Variants in PSTPIP2 observed in about 807,000 individuals in gnomAD.
The protein encoded by PSTPIP2 is proline-serine-threonine phosphatase interacting protein 2.
In PSTPIP2, 33 loss-of-function variants were observed where a neutral mutation model predicts 63.3. The ratio of observed to expected loss-of-function variants is 0.52; its 90% CI spans 0.40 to 0.70. PSTPIP2 has a LOEUF of 0.70. Among genes scored for constraint, PSTPIP2 ranks in the 30% least tolerant of loss-of-function variants. The probability of loss-of-function intolerance (pLI) is 0.00; values close to 1 mark genes in which losing one functional copy is unlikely to be tolerated. For missense variants in PSTPIP2, 312 were observed against 400.7 expected, an observed-to-expected ratio of 0.78 and a Z score of 1.89; for synonymous variants, 125 against 132.7, an observed-to-expected ratio of 0.94 and a Z score of 0.40.
At chr18:45,989,477 C>T (rs1292565930) in intron 13 of PSTPIP2, among the ~76,000 whole-genome samples, 1 of 152,176 alleles carries the variant, frequency 6.6e-6, no homozygotes, top group African/African-American at 2.4e-5. Flanking sequence ...AACTGTAAGT[C>T]CAATTAAGCC....
chr18:46,014,189 AC>A (rs2051830035), intron 4 of PSTPIP2, among the ~76,000 whole-genome samples: 1 of 152,006 alleles, frequency 6.6e-6, no homozygotes. Context: ...TGCCTGGCTA[AC>A]TTTTGTATTT....
At chr18:46,034,857 C>T (rs1198458661) in intron 2 of PSTPIP2, among the ~76,000 whole-genome samples, 1 of 152,190 alleles carries the variant, frequency 6.6e-6, no homozygotes, top group East Asian at 1.9e-4. Context: ...CACACTGTAG[C>T]TTGCATAGAG....
rs763347300 is a variant in PSTPIP2, at chr18:45,990,763, G to C, written c.921-7C>G. ...AATTGGGAGGGGTCCTCTCCTGTAA[G>C]AAATGAAAACCAAAGTATTTTAGAT... On this transcript the variant is annotated splice_polypyrimidine_tract_variant and splice_region_variant and intron_variant, in intron 12 of 14. Coordinates refer to ENST00000409746, the MANE Select transcript of PSTPIP2 (RefSeq NM_024430.4). The C allele has an allele frequency of 8.1e-6, 13 of 1,596,270 alleles. No individual in the cohort carries two copies. The highest frequency in any genetic ancestry group is 1.0e-5 in the Non-Finnish European group (12 of 1,166,712).
chr18:46,011,946 T>A (rs1407186323), intron 4 of PSTPIP2, among the ~76,000 whole-genome samples: 1 of 152,176 alleles, frequency 6.6e-6, no homozygotes, highest in Non-Finnish European at 1.5e-5. Context: ...CTTGTGGGTA[T>A]CAAAACCTTG....
chr18:46,016,003 C>G (rs2051849502), intron 3 of PSTPIP2, 66 bp from the exon 4 acceptor site: 4 of 1,528,266 alleles, frequency 2.6e-6, no homozygotes, highest in Non-Finnish European at 3.6e-6. Flanking sequence ...TATTATAATG[C>G]CTTTGCATGC....
chr18:46,017,472 G>C (rs1156248498), intron 3 of PSTPIP2, among the ~76,000 whole-genome samples: 2 of 152,012 alleles, frequency 1.3e-5, no homozygotes, highest in Non-Finnish European at 2.9e-5. Flanking sequence ...AAGCTCTGTT[G>C]CTTTAAAAAT....
chr18:46,058,801 A>G (rs1208980393), intron 1 of PSTPIP2, among the ~76,000 whole-genome samples: 2 of 152,200 alleles, frequency 1.3e-5, no homozygotes, highest in Non-Finnish European at 2.9e-5. Context: ...AGGTCCTGTC[A>G]CCAGCGGGGT....
chr18:46,049,690 G>A (rs1382369860), intron 1 of PSTPIP2, among the ~76,000 whole-genome samples: 1 of 152,136 alleles, frequency 6.6e-6, no homozygotes, highest in Non-Finnish European at 1.5e-5. Context: ...GACCATCCTG[G>A]CCAACATGGC....
chr18:45,990,022 A>G (rs2144057156), intron 13 of PSTPIP2: 1 of 152,358 alleles, frequency 6.6e-6, no homozygotes. Context: ...GAAAAAGACT[A>G]CTGTGATTAG....
intron 1 of PSTPIP2, among the ~76,000 whole-genome samples, chr18:46,071,565 C>G (rs1255427839): frequency 6.6e-6 from 1 of 152,082 alleles, no homozygotes; most frequent in Non-Finnish European, 1.5e-5. Context: ...GGGGAGGGGG[C>G]TCGGGAAACA....
rs556781582 is a variant in PSTPIP2 at position 46,048,940 on chromosome 18, T to C, written c.34-8893A>G. On this transcript the variant is annotated intron_variant, in intron 1 of 14. Transcript: ENST00000409746. ...TATCCTTATATTTAGAAAATACACA[T>C]TGAAATGTTTGTGGATAAAGGGAAA... Among the ~76,000 whole-genome samples, 85 of 151,954 alleles carry C rather than the reference T, an allele frequency of 5.6e-4. 1 individual carries two copies. Among genetic ancestry groups the C allele is most frequent in the Non-Finnish European group, 8.8e-5 (6 of 67,982 alleles).
intron 5 of PSTPIP2, among the ~76,000 whole-genome samples, chr18:46,007,253 T>C (rs1056025476): frequency 1.3e-5 from 2 of 152,272 alleles, no homozygotes; most frequent in African/African-American, 4.8e-5. Flanking sequence ...ATGGTCTCAC[T>C]TCAAATATGA....
chr18:46,069,507 T>C (rs1377451134), intron 1 of PSTPIP2, among the ~76,000 whole-genome samples: 1 of 152,206 alleles, frequency 6.6e-6, no homozygotes, highest in African/African-American at 2.4e-5. Context: ...AAATGATTTT[T>C]AGAGACAGGG....
chr18:46,028,459 C>T (rs1259439733), intron 2 of PSTPIP2: 3 of 593,118 alleles, frequency 5.1e-6, no homozygotes, highest in African/African-American at 3.8e-5. Flanking sequence ...GAAGACAAAC[C>T]GGCCGTGGAG....
intron 5 of PSTPIP2, among the ~76,000 whole-genome samples, chr18:46,010,158 A>T (rs2051780002): frequency 6.6e-6 from 1 of 152,210 alleles, no homozygotes; most frequent in African/African-American, 2.4e-5. Flanking sequence ...CCGCCAGGGA[A>T]GCTGGACCTA....
At chr18:46,028,407 A>C in intron 2 of PSTPIP2, 1 of 525,194 alleles carries the variant, frequency 1.9e-6, no homozygotes, top group Non-Finnish European at 3.8e-6. Context: ...CGGCGAGGGA[A>C]GAGGAGAGAC....
chr18:46,059,097 T>C (rs1462469042), intron 1 of PSTPIP2, among the ~76,000 whole-genome samples: 2 of 151,602 alleles, frequency 1.3e-5, no homozygotes, highest in Non-Finnish European at 2.9e-5. Context: ...AGTGCAATGG[T>C]GCGATCTTGG....
intron 9 of PSTPIP2, 48 bp downstream of exon 9, chr18:45,997,701 A>ACCACC: frequency 2.4e-5 from 8 of 332,624 alleles, no homozygotes; most frequent in South Asian, 6.3e-5. Flanking sequence ...TGTTACACAC[A>ACCACC]CCCCCACCCA....
At chr18:46,041,034 C>G in intron 1 of PSTPIP2, 1 of 459,010 alleles carries the variant, frequency 2.2e-6, no homozygotes, top group Non-Finnish European at 4.4e-6. Context: ...AAACTTGCCA[C>G]TGAACTTGAC....
Sources: allele counts gnomAD v4.1 joint callset (sites outside exome capture counted in the v4.1 genomes callset), GRCh38; gene constraint gnomAD v4.1.1; transcripts MANE v1.5; gene names NCBI Gene and HGNC (gene_info 2026-07-23, HGNC 2026-07-21).